The following NRG1 variants were observed in gnomAD, a reference collection of about 807,000 sequenced individuals.
NRG1 encodes neuregulin 1, also known as pro-neuregulin-1, membrane-bound isoform.
In NRG1, 18 loss-of-function variants were observed where a neutral mutation model predicts 63.8. The ratio of observed to expected loss-of-function variants is 0.28; its 90% CI spans 0.19 to 0.42. NRG1 has a LOEUF of 0.42. Ranked by LOEUF, NRG1 falls within the 10% of genes least tolerant of loss-of-function variation. The probability of loss-of-function intolerance (pLI) is 1.00; values close to 1 mark genes in which losing one functional copy is unlikely to be tolerated. For synonymous variants in NRG1, 302 were observed against 301.3 expected (o/e 1.00, Z -0.02); for missense variants, 762 against 814.7 (o/e 0.94, Z 0.79).
chr8:32,717,835 C>T (rs1047285211), intron 5 of NRG1, among the ~76,000 whole-genome samples: 2 of 152,116 alleles, frequency 1.3e-5, no homozygotes, highest in Non-Finnish European at 2.9e-5. Context: ...GGCTCAAACC[C>T]GAAACACTTG....
intron 5 of NRG1, chr8:32,648,421 G>A: frequency 6.3e-7 from 1 of 1,597,210 alleles, no homozygotes; most frequent in Non-Finnish European, 8.5e-7. Context: ...TGATGATGAT[G>A]AATAAAAGGG....
intron 1 of NRG1, among the ~76,000 whole-genome samples, chr8:32,395,799 A>C (rs1310914085): frequency 6.6e-6 from 1 of 151,948 alleles, no homozygotes; most frequent in African/African-American, 2.4e-5. Flanking sequence ...AGCTAAGAAA[A>C]CTTTGCCCAA....
chr8:31,640,247 A>C lies in NRG1; in HGVS notation c.37+816A>C. ...GCGGTGGTGATCGAGGGAAAGGTGC[A>C]CCCGCAGCGGCGGCAGCAGGGGGCA... is the stretch of plus-strand genomic sequence containing the variant. On this transcript the variant is annotated intron_variant, in intron 1 of 10. Coordinates refer to the NRG1 transcript ENST00000519301. The surrounding 1 kb of genome is among the most constrained non-coding windows in gnomAD (Gnocchi z 6.3). 8.7e-7 allele frequency: 1 copy of C among 1,144,212 alleles called. No individual in the cohort carries two copies. Among genetic ancestry groups the C allele is most frequent in the Non-Finnish European group, 1.1e-6 (1 of 932,198 alleles). The allele number at this position is 1,144,212 out of a possible 1,614,324, so 70.9% of individuals were successfully genotyped here. A position where few individuals can be genotyped will look rare whatever the true frequency, so the allele number is the denominator to read the frequency against.
chr8:32,412,399 C>CTTCT (rs143505674), intron 1 of NRG1, among the ~76,000 whole-genome samples: 1 of 93,014 alleles, frequency 1.1e-5, no homozygotes, highest in Non-Finnish European at 2.1e-5. Flanking sequence ...CTCTCTCTCT[C>CTTCT]CTCTCTCTCT....
chr8:32,681,147 T>C (rs1443298991), intron 5 of NRG1, among the ~76,000 whole-genome samples: 1 of 152,136 alleles, frequency 6.6e-6, no homozygotes, highest in East Asian at 1.9e-4. Context: ...ATGAAGACTA[T>C]GTCAGTCTTA....
chr8:31,711,427 A>G (rs1043519993), intron 1 of NRG1, among the ~76,000 whole-genome samples: 2 of 152,182 alleles, frequency 1.3e-5, no homozygotes, highest in Non-Finnish European at 2.9e-5. Context: ...CTGTAGAGAA[A>G]TCTGATTTTC....
chr8:32,546,405 G>T (rs931228988), upstream of NRG1, among the ~76,000 whole-genome samples: 2 of 151,968 alleles, frequency 1.3e-5, no homozygotes, highest in Admixed American at 1.3e-4. Flanking sequence ...CCATGTTAGA[G>T]AATATGTGGT....
At chr8:31,867,491 A>G (rs771128458) in intron 1 of NRG1, among the ~76,000 whole-genome samples, 1 of 152,134 alleles carries the variant, frequency 6.6e-6, no homozygotes, top group South Asian at 2.1e-4. Flanking sequence ...TGATTCTTCT[A>G]TCTGTCATGA....
chr8:31,728,764 G>T (rs1813713757), intron 1 of NRG1, among the ~76,000 whole-genome samples: 1 of 152,160 alleles, frequency 6.6e-6, no homozygotes, highest in Non-Finnish European at 1.5e-5. Flanking sequence ...AAATGCAACT[G>T]TACTATTCTA....
intron 1 of NRG1, among the ~76,000 whole-genome samples, chr8:32,302,080 G>A (rs1301099072): frequency 6.6e-6 from 1 of 152,058 alleles, no homozygotes; most frequent in African/African-American, 2.4e-5. Flanking sequence ...ATTTAGTGAT[G>A]TATTATTGTT....
intron 1 of NRG1, among the ~76,000 whole-genome samples, chr8:32,089,545 C>T (rs1828788681): frequency 6.6e-6 from 1 of 151,944 alleles, no homozygotes; most frequent in Non-Finnish European, 1.5e-5. Flanking sequence ...CTCTCTAGGG[C>T]AACAGTCATC....
chr8:32,649,049 G>A (rs889580180), intron 5 of NRG1, among the ~76,000 whole-genome samples: 10 of 152,064 alleles, frequency 6.6e-5, no homozygotes, highest in African/African-American at 9.7e-5. Flanking sequence ...GGACACAGTA[G>A]GATTCTGCAT....
intron 1 of NRG1, among the ~76,000 whole-genome samples, chr8:31,857,582 T>G (rs1483876260): frequency 1.3e-5 from 2 of 152,224 alleles, no homozygotes; most frequent in Non-Finnish European, 1.5e-5. Flanking sequence ...TCTGCGTCGC[T>G]CACACTGGGA....
At chr8:32,620,688 G>A (rs1221844085) in intron 5 of NRG1, among the ~76,000 whole-genome samples, 2 of 151,972 alleles carry the variant, frequency 1.3e-5, no homozygotes, top group African/African-American at 2.4e-5. Context: ...GCCAGGCTTG[G>A]TGGCAGCCCT....
intron 1 of NRG1, among the ~76,000 whole-genome samples, chr8:32,417,444 G>T (rs4733330): frequency 0.41 from 61,848 of 151,640 alleles, 12,937 homozygotes; most frequent in Admixed American, 0.46. Flanking sequence ...TAATTCTTTG[G>T]TTTTCTGGAG....
intron 1 of NRG1, among the ~76,000 whole-genome samples, chr8:31,899,620 C>T (rs1831903407): frequency 1.3e-5 from 2 of 152,196 alleles, no homozygotes; most frequent in South Asian, 2.1e-4. Flanking sequence ...ATACCCTATG[C>T]TTCCATTGTG....
At chr8:32,380,448 A>C (rs1390858196) in intron 1 of NRG1, among the ~76,000 whole-genome samples, 1 of 152,044 alleles carries the variant, frequency 6.6e-6, no homozygotes, top group East Asian at 1.9e-4. Context: ...TATGACTCTC[A>C]AGCATAGTCT....
At chr8:32,501,937 G>C (rs1230731788) in intron 1 of NRG1, among the ~76,000 whole-genome samples, 1 of 152,098 alleles carries the variant, frequency 6.6e-6, no homozygotes, top group Non-Finnish European at 1.5e-5. Flanking sequence ...GACCAGCCTA[G>C]GCAATATAGT....
At chr8:32,496,435 A>T (rs1462980160) in intron 1 of NRG1, among the ~76,000 whole-genome samples, 1 of 152,136 alleles carries the variant, frequency 6.6e-6, no homozygotes, top group Non-Finnish European at 1.5e-5. Flanking sequence ...AATATCTTTT[A>T]AAAAATTAAC....
Sources: gnomAD v4.1 joint callset for allele counts (sites outside exome capture counted in the v4.1 genomes callset) on GRCh38, gnomAD v4.1.1 for gene constraint, Gnocchi (gnomAD v3.1) non-coding constraint, MANE v1.5 for transcripts, NCBI Gene and HGNC (gene_info 2026-07-23, HGNC 2026-07-21) for gene names.